The following LRBA variants were observed in gnomAD, a reference collection of about 807,000 sequenced individuals.
LRBA encodes the protein LPS responsive beige-like anchor protein, also known as lipopolysaccharide-responsive and beige-like anchor protein.
Under a neutral mutation model 330.0 loss-of-function variants are expected in LRBA, and 176 were observed. That is an observed-to-expected ratio of 0.53 (90% CI 0.47 to 0.60). LRBA has a LOEUF of 0.60. LRBA is among the 20% of genes least tolerant of loss of function. LRBA has a pLI of 0.00. For missense variants in LRBA, 3,259 were observed against 3,444.8 expected (o/e 0.95, Z 1.35); for synonymous variants, 1,230 against 1,193.0 (o/e 1.03, Z -0.64).
At chr4:150,505,006 A>C (rs1296039362) in intron 40 of LRBA, among the ~76,000 whole-genome samples, 1 of 152,238 alleles carries the variant, frequency 6.6e-6, no homozygotes, top group African/African-American at 2.4e-5. Context: ...TAAAGGGATC[A>C]ATTCAACAAG....
intron 44 of LRBA, among the ~76,000 whole-genome samples, chr4:150,457,713 T>TA (rs1754260530): frequency 6.6e-6 from 1 of 151,630 alleles, no homozygotes; most frequent in Admixed American, 6.6e-5. Flanking sequence ...TAATTAAACT[T>TA]AAAAAAAATT....
intron 2 of LRBA, among the ~76,000 whole-genome samples, chr4:150,936,887 A>G (rs1360688152): frequency 1.2e-4 from 19 of 152,068 alleles, no homozygotes; most frequent in Admixed American, 1.2e-3. Flanking sequence ...TTCTTCTAAC[A>G]ATTACATATC....
intron 47 of LRBA, among the ~76,000 whole-genome samples, chr4:150,372,314 T>C (rs893680227): frequency 3.3e-5 from 5 of 151,992 alleles, no homozygotes; most frequent in African/African-American, 1.2e-4. Context: ...GTATAAAATA[T>C]TATTGAAAAT....
At chr4:150,489,310 A>T in intron 41 of LRBA, among the ~76,000 whole-genome samples, 1 of 57,978 alleles carries the variant, frequency 1.7e-5, no homozygotes, top group Non-Finnish European at 2.9e-5. Flanking sequence ...TATTATATAT[A>T]AGAATATATA....
intron 30 of LRBA, among the ~76,000 whole-genome samples, chr4:150,820,924 T>C (rs549818665): frequency 6.6e-6 from 1 of 152,216 alleles, no homozygotes; most frequent in East Asian, 1.9e-4. Context: ...TAGTTAAGAT[T>C]GATCATGCAA....
chr4:151,005,128 T>G (rs186223667), intron 2 of LRBA, among the ~76,000 whole-genome samples: 30 of 151,672 alleles, frequency 2.0e-4, no homozygotes, highest in African/African-American at 6.8e-4. Flanking sequence ...CCACAAAAAT[T>G]TAGTTCAGAA....
In LRBA at chr4:150,877,597, C is replaced by T. The variant is rs141887543; in HGVS notation, c.2166-4842G>A. The stretch of plus-strand genomic sequence containing the variant: ...AATATTAGTGGTGGATTTCAACACC[C>T]CACTGACAGGCATTAGACATGCCAT... On this transcript the variant is annotated intron_variant, in intron 17 of 56. Coordinates refer to ENST00000651943, the MANE Select transcript of LRBA (RefSeq NM_001364905.1). Among the ~76,000 whole-genome samples the T allele has an allele frequency of 8.7e-3, 1,322 of 152,240 alleles. 15 individuals carry two copies. Among genetic ancestry groups the T allele is most frequent in the Non-Finnish European group, 0.011 (762 of 68,012 alleles).
intron 26 of LRBA, 111 bp from the exon 27 acceptor site, chr4:150,844,890 AGAC>A: frequency 1.1e-6 from 1 of 885,086 alleles, no homozygotes; most frequent in Non-Finnish European, 1.7e-6. Flanking sequence ...TATTCAAAAC[AGAC>A]GACATTCAGC....
At chr4:150,398,747 C>G (rs994852965) in intron 47 of LRBA, among the ~76,000 whole-genome samples, 1 of 152,064 alleles carries the variant, frequency 6.6e-6, no homozygotes, top group African/African-American at 2.4e-5. Context: ...CCACATCAGC[C>G]TCCCATGTAG....
intron 40 of LRBA, among the ~76,000 whole-genome samples, chr4:150,515,091 G>A (rs1414037004): frequency 1.3e-5 from 2 of 152,176 alleles, no homozygotes; most frequent in Admixed American, 6.5e-5. Context: ...AAGAGATAAA[G>A]AGACTATCAA....
chr4:150,617,523 T>C (rs1334686538), intron 37 of LRBA, among the ~76,000 whole-genome samples: 1 of 152,054 alleles, frequency 6.6e-6, no homozygotes, highest in Non-Finnish European at 1.5e-5. Context: ...GCGCCTGTAA[T>C]CCCAGCTACT....
intron 52 of LRBA, among the ~76,000 whole-genome samples, chr4:150,306,452 ATTATT>A (rs1017293407): frequency 6.6e-6 from 1 of 152,200 alleles, no homozygotes; most frequent in African/African-American, 2.4e-5. Flanking sequence ...CTTAACTGAA[ATTATT>A]TTAAATAAAA....
Position 150,831,889 on chromosome 4 carries a change from C to G in LRBA, c.4657G>C (p.Glu1553Gln). ...TGGCTATGCCTTTCATTTTGGGGTT[C>G]CAAAATGTCTCTGTACTTGGAGACC... Reference protein sequence around the residue: ...LMVSKYRDILEPQNERHSQSC... With the variant: ...LMVSKYRDILQPQNERHSQSC... The change falls in exon 29 of 57, where the codon GAA (glutamate) becomes CAA (glutamine). Residue 1553 changes from glutamate to glutamine, a missense_variant. Coordinates refer to ENST00000651943, the MANE Select transcript of LRBA (RefSeq NM_001364905.1). 1.9e-6 allele frequency: 3 copies of G among 1,604,286 alleles called. No homozygotes were observed. Among genetic ancestry groups the G allele is most frequent in the Non-Finnish European group, 2.6e-6 (3 of 1,175,134 alleles).
At chr4:150,887,899 G>A (rs981008356) in intron 17 of LRBA, among the ~76,000 whole-genome samples, 1 of 151,970 alleles carries the variant, frequency 6.6e-6, no homozygotes, top group Non-Finnish European at 1.5e-5. Context: ...AAGTGTGCCT[G>A]TAGTCCCAGC....
intron 37 of LRBA, among the ~76,000 whole-genome samples, chr4:150,643,052 G>A (rs1347605279): frequency 6.6e-6 from 1 of 151,794 alleles, no homozygotes; most frequent in African/African-American, 2.4e-5. Flanking sequence ...CTCTTGAAGG[G>A]AAATTTAAAG....
intron 36 of LRBA, among the ~76,000 whole-genome samples, chr4:150,724,888 A>G (rs1729455010): frequency 6.8e-6 from 1 of 147,178 alleles, no homozygotes; most frequent in African/African-American, 2.5e-5. Context: ...ATATACATAT[A>G]TATATGTATA....
At chr4:150,548,327 G>A (rs2152240148) in intron 40 of LRBA, among the ~76,000 whole-genome samples, 1 of 152,240 alleles carries the variant, frequency 6.6e-6, no homozygotes, top group South Asian at 2.1e-4. Flanking sequence ...TATTTGGGAT[G>A]TCTTCAACAG....
In LRBA at chr4:150,590,741, C is replaced by T; in HGVS notation, c.6165G>A (p.Val2055=). The T allele has an allele frequency of 6.2e-7, 1 of 1,613,780 alleles. No individual in the cohort carries two copies. The highest frequency in any genetic ancestry group is 8.5e-7 in the Non-Finnish European group (1 of 1,179,910). The change falls in exon 39 of 57, where the codon GTG becomes GTA. Residue 2055 remains valine, a synonymous_variant. Coordinates refer to ENST00000651943, the MANE Select transcript of LRBA (RefSeq NM_001364905.1). ...LEGDDDTLSS[V]DEKDLENLAG... ...CAAGATTCTCTAAATCTTTCTCATC[C>T]ACGGATGACAGAGTATCATCATCGC... is the stretch of plus-strand genomic sequence containing the variant.
chr4:150,848,095 A>G (rs915242442), intron 26 of LRBA, among the ~76,000 whole-genome samples: 7 of 151,984 alleles, frequency 4.6e-5, no homozygotes, highest in African/African-American at 1.7e-4. Flanking sequence ...GCTCACTGCA[A>G]TCTCCAACTT....
Sources: gnomAD v4.1 joint callset for allele counts (sites outside exome capture counted in the v4.1 genomes callset) on GRCh38, gnomAD v4.1.1 for gene constraint, MANE v1.5 for transcripts, NCBI Gene and HGNC (gene_info 2026-07-23, HGNC 2026-07-21) for gene names.